The following SLC25A13 variants were observed in gnomAD, a reference collection of about 807,000 sequenced individuals.
SLC25A13 encodes the protein solute carrier family 25 member 13.
SLC25A13 carries 70 observed loss-of-function variants against 85.5 expected under a neutral mutation model. The observed-to-expected ratio is 0.82, with a 90% CI of 0.68 to 1.00. The LOEUF (loss-of-function observed/expected upper bound fraction) is 1.00, where lower values mean the gene tolerates loss of function less well. Among genes scored for constraint, SLC25A13 ranks in the 50% least tolerant of loss-of-function variants. SLC25A13 has a pLI of 0.00. For missense variants in SLC25A13, 765 were observed against 819.8 expected (o/e 0.93, Z 0.82); for synonymous variants, 259 against 288.7 (o/e 0.90, Z 1.04).
At chr7:96,280,772 A>C (rs898119470) in intron 2 of SLC25A13, among the ~76,000 whole-genome samples, 1 of 152,132 alleles carries the variant, frequency 6.6e-6, no homozygotes, top group African/African-American at 2.4e-5. Flanking sequence ...AAGATAACGA[A>C]AAAGAATAAT....
intron 2 of SLC25A13, among the ~76,000 whole-genome samples, chr7:96,288,699 C>A (rs1798991567): frequency 6.6e-6 from 1 of 152,156 alleles, no homozygotes; most frequent in Non-Finnish European, 1.5e-5. Context: ...GATCCAACTG[C>A]AAGGTGGCAG....
intron 5 of SLC25A13, among the ~76,000 whole-genome samples, chr7:96,205,788 T>C (rs916543279): frequency 1.3e-5 from 2 of 152,224 alleles, no homozygotes; most frequent in African/African-American, 2.4e-5. Context: ...CAACTCACCA[T>C]GTAAGCAATG....
chr7:96,124,114 A>T (rs1428568997), intron 15 of SLC25A13, among the ~76,000 whole-genome samples: 1 of 152,202 alleles, frequency 6.6e-6, no homozygotes, highest in Admixed American at 6.5e-5. Context: ...TCAACCAATT[A>T]AAAAATTACA....
chr7:96,261,345 T>C (rs919251124), intron 3 of SLC25A13, among the ~76,000 whole-genome samples: 6 of 152,204 alleles, frequency 3.9e-5, no homozygotes, highest in African/African-American at 1.4e-4. Context: ...CAATATATAT[T>C]TGTTAAATGA....
intron 5 of SLC25A13, among the ~76,000 whole-genome samples, chr7:96,198,937 T>C (rs1795158779): frequency 6.6e-6 from 1 of 152,160 alleles, no homozygotes; most frequent in Non-Finnish European, 1.5e-5. Flanking sequence ...AACAAAAAGT[T>C]AAGAGGCACA....
chr7:96,224,031 T>C (rs1260726504), intron 4 of SLC25A13, among the ~76,000 whole-genome samples: 1 of 152,134 alleles, frequency 6.6e-6, no homozygotes, highest in Non-Finnish European at 1.5e-5. Context: ...GGAAATGTTT[T>C]GCACCCCCCG....
At chr7:96,166,802 C>T (rs1251056738) in intron 13 of SLC25A13, 1 of 152,134 alleles carries the variant, frequency 6.6e-6, no homozygotes, top group African/African-American at 2.4e-5. Flanking sequence ...GAACCTCTGT[C>T]TTCTGACACA....
At chr7:96,229,827 C>T (rs757778104) in intron 4 of SLC25A13, among the ~76,000 whole-genome samples, 2 of 152,144 alleles carry the variant, frequency 1.3e-5, no homozygotes, top group African/African-American at 4.8e-5. Context: ...GGAACAAACT[C>T]TGGACACACC....
chr7:96,231,717 C>CT (rs1451098217), intron 4 of SLC25A13, among the ~76,000 whole-genome samples: 2 of 149,794 alleles, frequency 1.3e-5, no homozygotes, highest in Non-Finnish European at 3.0e-5. Flanking sequence ...GAGTGAGACT[C>CT]TGTCTCAAAA....
At chr7:96,127,125 T>C (rs1278306131) in intron 15 of SLC25A13, among the ~76,000 whole-genome samples, 1 of 152,212 alleles carries the variant, frequency 6.6e-6, no homozygotes, top group Non-Finnish European at 1.5e-5. Context: ...ATCTTATCAC[T>C]CTGATAAAAA....
chr7:96,200,716 T>A (rs1234061574), intron 5 of SLC25A13, among the ~76,000 whole-genome samples: 2 of 152,168 alleles, frequency 1.3e-5, no homozygotes, highest in African/African-American at 4.8e-5. Flanking sequence ...TCCATCTCAA[T>A]TTCCTTGCTC....
At chr7:96,138,541 G>A (rs1304362809) in intron 14 of SLC25A13, among the ~76,000 whole-genome samples, 1 of 151,810 alleles carries the variant, frequency 6.6e-6, no homozygotes, top group Non-Finnish European at 1.5e-5. Context: ...GACTACAGGT[G>A]CATGACACCA....
chr7:96,158,875 A>G (rs908756648), intron 13 of SLC25A13, among the ~76,000 whole-genome samples: 19 of 152,360 alleles, frequency 1.2e-4, no homozygotes, highest in African/African-American at 4.1e-4. Flanking sequence ...AAGGTTCAAC[A>G]TATTTTCCAT....
chr7:96,148,560 C>T (rs760560344), intron 13 of SLC25A13, among the ~76,000 whole-genome samples: 4 of 151,862 alleles, frequency 2.6e-5, no homozygotes, highest in Non-Finnish European at 4.4e-5. Flanking sequence ...ACTCTTCATA[C>T]GAAAATCTTA....
chr7:96,288,385 C>G (rs985528677), intron 2 of SLC25A13, among the ~76,000 whole-genome samples: 1 of 152,172 alleles, frequency 6.6e-6, no homozygotes, highest in Non-Finnish European at 1.5e-5. Flanking sequence ...AACTGAGGCA[C>G]CAGGGTCATC....
intron 13 of SLC25A13, among the ~76,000 whole-genome samples, chr7:96,159,336 G>A (rs967278415): frequency 1.3e-5 from 2 of 152,152 alleles, no homozygotes; most frequent in Admixed American, 6.5e-5. Flanking sequence ...GAATGTGACC[G>A]GATTTGGACT....
At chr7:96,214,449 CA>C (rs1174713714) in intron 4 of SLC25A13, among the ~76,000 whole-genome samples, 1 of 152,188 alleles carries the variant, frequency 6.6e-6, no homozygotes, top group East Asian at 1.9e-4. Flanking sequence ...ACAACTCGGT[CA>C]GGCGCAGTGG....
chr7:96,236,487 G>T (rs1796749383), intron 3 of SLC25A13, among the ~76,000 whole-genome samples: 1 of 152,226 alleles, frequency 6.6e-6, no homozygotes, highest in African/African-American at 2.4e-5. Context: ...GGCATAAAAG[G>T]GGTGAATTAT....
At chr7:96,295,846 A>G (rs1799324649) in intron 2 of SLC25A13, among the ~76,000 whole-genome samples, 1 of 150,872 alleles carries the variant, frequency 6.6e-6, no homozygotes, top group Non-Finnish European at 1.5e-5. Context: ...ATATGTGTAT[A>G]TTAATATATG....
Sources: gnomAD v4.1 joint callset for allele counts (sites outside exome capture counted in the v4.1 genomes callset) on GRCh38, gnomAD v4.1.1 for gene constraint, MANE v1.5 for transcripts, NCBI Gene and HGNC (gene_info 2026-07-23, HGNC 2026-07-21) for gene names.